The following SEMA4D variants were observed in gnomAD, a reference collection of about 807,000 sequenced individuals.
SEMA4D encodes semaphorin 4D.
A neutral mutation model predicts 74.8 loss-of-function variants in SEMA4D; 22 were observed. That is an observed-to-expected ratio of 0.29 (90% CI 0.21 to 0.42). The LOEUF is 0.42. Among genes scored for constraint, SEMA4D ranks in the 10% least tolerant of loss-of-function variants. The pLI, the probability that SEMA4D is intolerant of heterozygous loss-of-function variation, is 1.00. For missense variants in SEMA4D, 937 were observed against 1,118.4 expected (o/e 0.84, Z 2.31); for synonymous variants, 445 against 463.7 (o/e 0.96, Z 0.52).
In SEMA4D at chr9:89,451,172, T is replaced by C. The variant is rs151168294; in HGVS notation, c.-244+4716A>G. On this transcript the variant is annotated intron_variant, in intron 2 of 15. Transcript: ENST00000422704. ...CTGATGTTAGCATTTTTCCATCTAT[T>C]TGGGGGCTTTTTCTTCTTTTTCCAT... is the stretch of plus-strand genomic sequence containing the variant. Among the ~76,000 whole-genome samples, 542 of 152,266 alleles carry C rather than the reference T, an allele frequency of 3.6e-3. 3 individuals are homozygous for C. The highest frequency in any genetic ancestry group is 0.017 in the Middle Eastern group (5 of 294).
At chr9:89,375,643 C>T (rs1295859760), downstream of SEMA4D, among the ~76,000 whole-genome samples, 1 of 152,202 alleles carries the variant, frequency 6.6e-6, no homozygotes, top group African/African-American at 2.4e-5. Context: ...CTCTAACAGG[C>T]CACTTCCTTT....
chr9:89,483,173 A>G (rs1824859971), intron 1 of SEMA4D, among the ~76,000 whole-genome samples: 1 of 152,250 alleles, frequency 6.6e-6, no homozygotes, highest in Non-Finnish European at 1.5e-5. Flanking sequence ...GAGAGACCTC[A>G]GCCCCACAGA....
intron 1 of SEMA4D, among the ~76,000 whole-genome samples, chr9:89,457,325 A>G (rs1457287521): frequency 2.0e-5 from 3 of 152,158 alleles, no homozygotes; most frequent in African/African-American, 7.2e-5. Context: ...AAGCTACACC[A>G]TGAGGGTGCT....
At chr9:89,394,254 C>T (rs1840436667) in intron 6 of SEMA4D, among the ~76,000 whole-genome samples, 1 of 152,148 alleles carries the variant, frequency 6.6e-6, no homozygotes, top group South Asian at 2.1e-4. Context: ...CCCACAGCCA[C>T]ATGAGGAAAA....
At chr9:89,407,143 C>T (rs879364577) in intron 2 of SEMA4D, among the ~76,000 whole-genome samples, 1 of 152,186 alleles carries the variant, frequency 6.6e-6, no homozygotes, top group Non-Finnish European at 1.5e-5. Flanking sequence ...CCTGCACCCT[C>T]GCTAACAAAA....
chr9:89,442,129 C>T (rs1851791134), intron 2 of SEMA4D, among the ~76,000 whole-genome samples: 1 of 150,596 alleles, frequency 6.6e-6, no homozygotes, highest in African/African-American at 2.5e-5. Context: ...GGGGCTGTTT[C>T]CTTCCCTTTT....
chr9:89,462,399 G>A (rs1857461799), intron 1 of SEMA4D, among the ~76,000 whole-genome samples: 1 of 152,214 alleles, frequency 6.6e-6, no homozygotes, highest in Non-Finnish European at 1.5e-5. Flanking sequence ...GGCTCCAAGG[G>A]AAGTGGCCAC....
downstream of SEMA4D, chr9:89,376,688 A>T (rs559755859): frequency 8.2e-7 from 1 of 1,222,676 alleles, no homozygotes; most frequent in Admixed American, 2.9e-5. Context: ...AAAGCGTGAA[A>T]CGGCTCAACC....
At chr9:89,470,570 A>G (rs1235723691) in intron 1 of SEMA4D, among the ~76,000 whole-genome samples, 3 of 152,238 alleles carry the variant, frequency 2.0e-5, no homozygotes, top group African/African-American at 4.8e-5. Flanking sequence ...TTCTTATAAG[A>G]ATAAACACAC....
At chr9:89,412,211 G>A (rs578083505) in intron 2 of SEMA4D, among the ~76,000 whole-genome samples, 14 of 152,354 alleles carry the variant, frequency 9.2e-5, no homozygotes, top group African/African-American at 1.4e-4. Context: ...GGCCAGACCC[G>A]GAGAGGACAA....
chr9:89,448,895 G>A (rs542327972), intron 2 of SEMA4D, among the ~76,000 whole-genome samples: 1 of 152,320 alleles, frequency 6.6e-6, no homozygotes, highest in East Asian at 1.9e-4. Flanking sequence ...GCAAGTGAAG[G>A]TCAGGGCCTG....
chr9:89,480,240 T>C (rs1015973860), intron 1 of SEMA4D, among the ~76,000 whole-genome samples: 1 of 151,600 alleles, frequency 6.6e-6, no homozygotes, highest in Non-Finnish European at 1.5e-5. Context: ...TGTCGATTGG[T>C]GCACTCACAA....
At chr9:89,478,898 T>G (rs1862456735) in intron 1 of SEMA4D, among the ~76,000 whole-genome samples, 1 of 152,016 alleles carries the variant, frequency 6.6e-6, no homozygotes, top group Non-Finnish European at 1.5e-5. Context: ...ACACTCCCAA[T>G]TCTGTGGGTG....
At chr9:89,427,481 GT>G (rs1262342185) in intron 2 of SEMA4D, among the ~76,000 whole-genome samples, 1 of 152,172 alleles carries the variant, frequency 6.6e-6, no homozygotes, top group African/African-American at 2.4e-5. Flanking sequence ...AGGAGCCCAG[GT>G]AGGAATTCCC....
rs76401135 is a variant in SEMA4D at position 89,381,469 on chromosome 9, G to A, written c.1447-123C>T. 1,706 of 944,884 alleles carry A rather than the reference G, an allele frequency of 1.8e-3. 22 individuals are homozygous for A. In the African/African-American group the frequency reaches 0.026, roughly 14 times the overall value. 58.5% of individuals were successfully genotyped at this position (944,884 alleles called of 1,614,324 possible). A position where few individuals can be genotyped will look rare whatever the true frequency, so the allele number is the denominator to read the frequency against. ...GTACCTTCAGGGGACATTGCAGTAAGGAGGAGAGGTACTCAGAACCAGAGG... is the reference window on the plus strand; with the variant it reads ...GTACCTTCAGGGGACATTGCAGTAAAGAGGAGAGGTACTCAGAACCAGAGG... On this transcript the variant is annotated intron_variant, in intron 13 of 15. Coordinates refer to ENST00000422704, the MANE Select transcript of SEMA4D (RefSeq NM_001371194.2). This position sits in a 1 kb window ranked among gnomAD's most constrained non-coding sequence, Gnocchi z 4.6.
chr9:89,411,137 G>C (rs56167881), intron 2 of SEMA4D, among the ~76,000 whole-genome samples: 7,409 of 152,290 alleles, frequency 0.049, 338 homozygotes, highest in African/African-American at 0.11. Context: ...GGCGGGGCAG[G>C]AGAAGGCACA....
intron 2 of SEMA4D, among the ~76,000 whole-genome samples, chr9:89,437,192 C>G (rs1850633319): frequency 6.6e-6 from 1 of 152,206 alleles, no homozygotes; most frequent in Admixed American, 6.5e-5. Flanking sequence ...TGCGGGCCAG[C>G]ATGCCCACCC....
chr9:89,402,092 A>G (rs1418322635), intron 4 of SEMA4D, among the ~76,000 whole-genome samples: 1 of 152,224 alleles, frequency 6.6e-6, no homozygotes, highest in African/African-American at 2.4e-5. Flanking sequence ...ACATACTTAC[A>G]GTCCCAGCTA....
intron 16 of SEMA4D, among the ~76,000 whole-genome samples, chr9:89,370,401 T>C (rs1354687955): frequency 1.3e-5 from 2 of 150,598 alleles, no homozygotes; most frequent in Non-Finnish European, 3.0e-5. Context: ...GCGTGGCGTG[T>C]GGTGTGTGTG....
Sources: allele counts gnomAD v4.1 joint callset (sites outside exome capture counted in the v4.1 genomes callset), GRCh38; gene constraint gnomAD v4.1.1; non-coding constraint Gnocchi (gnomAD v3.1); transcripts MANE v1.5; gene names NCBI Gene and HGNC (gene_info 2026-07-23, HGNC 2026-07-21).